Variants in ERBIN observed in about 807,000 individuals in gnomAD.
ERBIN encodes the protein erbb2 interacting protein.
A neutral mutation model predicts 158.4 loss-of-function variants in ERBIN; 60 were observed. The ratio of observed to expected loss-of-function variants is 0.38; its 90% CI spans 0.31 to 0.47. The LOEUF is 0.47. Ranked by LOEUF, ERBIN falls within the 20% of genes least tolerant of loss-of-function variation. ERBIN has a pLI of 0.99. For synonymous variants in ERBIN, 594 were observed against 557.2 expected (o/e 1.07, Z -0.93); for missense variants, 1,610 against 1,648.0 (o/e 0.98, Z 0.40).
At chr5:66,001,529 A>G (rs780711352) in intron 4 of ERBIN, among the ~76,000 whole-genome samples, 26 of 152,146 alleles carry the variant, frequency 1.7e-4, no homozygotes, top group Non-Finnish European at 3.1e-4. Context: ...AATGGCCTCT[A>G]TTCTTTGCTT....
intron 14 of ERBIN, among the ~76,000 whole-genome samples, chr5:66,035,927 C>A (rs1377883333): frequency 6.6e-6 from 1 of 151,820 alleles, no homozygotes; most frequent in Admixed American, 6.6e-5. Context: ...GATCCCATCT[C>A]TTAGAAAAAG....
At chr5:66,055,337 T>C (rs1759483164) in intron 21 of ERBIN, among the ~76,000 whole-genome samples, 1 of 152,206 alleles carries the variant, frequency 6.6e-6, no homozygotes, top group Non-Finnish European at 1.5e-5. Flanking sequence ...TAACAAAAAA[T>C]GTATTGCAAA....
chr5:65,983,455 C>G (rs914728565), intron 1 of ERBIN, among the ~76,000 whole-genome samples: 1 of 151,598 alleles, frequency 6.6e-6, no homozygotes, highest in Non-Finnish European at 1.5e-5. Flanking sequence ...TATTCTTTTT[C>G]ATATTATTAT....
chr5:65,949,299 G>T (rs530613715), intron 1 of ERBIN, among the ~76,000 whole-genome samples: 25 of 152,178 alleles, frequency 1.6e-4, no homozygotes, highest in Non-Finnish European at 2.6e-4. Context: ...GAGATTTTCA[G>T]ACTTTCTAAT....
intron 1 of ERBIN, among the ~76,000 whole-genome samples, chr5:65,958,289 C>A (rs551262697): frequency 1.7e-4 from 25 of 150,914 alleles, no homozygotes; most frequent in East Asian, 3.9e-4. Context: ...TGGAGGTTGT[C>A]GCAAGCCGAG....
intron 23 of ERBIN, among the ~76,000 whole-genome samples, chr5:66,075,521 G>T (rs1429531429): frequency 6.6e-6 from 1 of 152,214 alleles, no homozygotes; most frequent in East Asian, 1.9e-4. Flanking sequence ...ATATAAATAG[G>T]AGACCATTAA....
intron 1 of ERBIN, among the ~76,000 whole-genome samples, chr5:65,971,147 G>A (rs1749201287): frequency 6.6e-6 from 1 of 151,944 alleles, no homozygotes. Context: ...TAGTCGTTTT[G>A]ATGATAAATC....
intron 4 of ERBIN, among the ~76,000 whole-genome samples, chr5:66,005,064 T>C (rs961463027): frequency 2.0e-5 from 3 of 151,964 alleles, no homozygotes; most frequent in Non-Finnish European, 4.4e-5. Context: ...ATGTGACTTG[T>C]GTTTAAGTTT....
At chr5:66,045,554 G>GA (rs1447376107) in intron 17 of ERBIN, among the ~76,000 whole-genome samples, 2 of 151,968 alleles carry the variant, frequency 1.3e-5, no homozygotes, top group Non-Finnish European at 2.9e-5. Flanking sequence ...GTTCACAGAG[G>GA]AAAAAAATCA....
chr5:66,018,527 T>TG lies in ERBIN; in HGVS notation c.534-2795_534-2794insG. ...TATATTATATATTATATAATATATA[T>TG]TATATTATATAATATATATTATATA... On this transcript the variant is annotated intron_variant, in intron 7 of 25. Coordinates refer to ENST00000284037, the MANE Select transcript of ERBIN (RefSeq NM_001253697.2). Among the ~76,000 whole-genome samples the TG allele has an allele frequency of 4.4e-4, 2 of 4,570 alleles. 1 individual carries two copies. The highest frequency in any genetic ancestry group is 1.7e-3 in the African/African-American group (2 of 1,208). 3.0% of individuals were successfully genotyped at this position (4,570 alleles called of 152,430 possible). A position where few individuals can be genotyped will look rare whatever the true frequency, so the allele number is the denominator to read the frequency against.
chr5:66,063,381 C>T (rs10079293), intron 21 of ERBIN, among the ~76,000 whole-genome samples: 2,644 of 152,300 alleles, frequency 0.017, 79 homozygotes, highest in African/African-American at 0.061. Flanking sequence ...TTGTTAAGCC[C>T]GTTGGAAAAG....
intron 21 of ERBIN, 177 bp downstream of exon 21, chr5:66,055,128 T>G: frequency 7.2e-7 from 1 of 1,380,136 alleles, no homozygotes. Flanking sequence ...GATGATAATG[T>G]GTGTTTCTAT....
chr5:66,048,566 T>C (rs1361547501), intron 18 of ERBIN, 101 bp from the exon 19 acceptor site: 1 of 697,574 alleles, frequency 1.4e-6, no homozygotes, highest in East Asian at 2.8e-5. Flanking sequence ...TTAATATGTG[T>C]TTATAATATT....
rs1459304622 is a variant in ERBIN, at chr5:65,963,797, T to C, written c.-57-24838T>C. On this transcript the variant is annotated intron_variant, in intron 1 of 25. Coordinates refer to ENST00000284037, the MANE Select transcript of ERBIN (RefSeq NM_001253697.2). The stretch of plus-strand genomic sequence containing the variant: ...ATGACTATTTTCTTTCTTTTCTTTT[T>C]TTTTTTTTTTGAGATGGAGTCTCGC... Among the ~76,000 whole-genome samples the C allele has an allele frequency of 6.0e-5, 9 of 149,970 alleles. No individual in the cohort carries two copies. In the East Asian group the frequency reaches 1.2e-3, roughly 19 times the overall value.
chr5:66,014,025 C>T (rs1031278704), intron 6 of ERBIN, among the ~76,000 whole-genome samples: 1 of 152,142 alleles, frequency 6.6e-6, no homozygotes. Flanking sequence ...ACCTCATCAT[C>T]TCCCTGCCAC....
chr5:66,009,272 G>A (rs1382821752), intron 4 of ERBIN, among the ~76,000 whole-genome samples: 1 of 152,198 alleles, frequency 6.6e-6, no homozygotes, highest in Non-Finnish European at 1.5e-5. Flanking sequence ...TCAATGGAAT[G>A]ATCACTTAAA....
intron 4 of ERBIN, among the ~76,000 whole-genome samples, chr5:65,998,517 T>C (rs1013905256): frequency 6.6e-6 from 1 of 152,028 alleles, no homozygotes; most frequent in Non-Finnish European, 1.5e-5. Context: ...ACTTTAGAGC[T>C]ATTTATATTT....
At chr5:66,061,414 G>A (rs148750788) in intron 21 of ERBIN, among the ~76,000 whole-genome samples, 6,116 of 151,980 alleles carry the variant, frequency 0.04, 414 homozygotes, top group African/African-American at 0.14. Flanking sequence ...TCCTCCATCC[G>A]TTTGTTTTGA....
At position 66,054,022 on chromosome 5, in the gene ERBIN, A is replaced by G. The variant is rs2151238911; in HGVS notation, c.2704A>G (p.Thr902Ala). 1 of 1,614,170 alleles carries G rather than the reference A, an allele frequency of 6.2e-7. No individual in the cohort carries two copies. The highest frequency in any genetic ancestry group is 8.5e-7 in the Non-Finnish European group (1 of 1,180,026). ...PQQPSTTVKI[T>A]SAVDGKNIVR... ...GCAGCCAAGTACAACCGTTAAAATC[A>G]CATCTGCTGTTGATGGAAAAAATAT... The change falls in exon 21 of 26, where the codon ACA becomes GCA. Residue 902 changes from threonine (T) to alanine (A), a missense_variant. Thr to Ala is a moderately conservative substitution (Grantham distance 58, BLOSUM62 0). Around this residue, in one of 2 missense-constraint regions of ERBIN, gnomAD observed 1,014 missense variants for 936.1 expected, o/e 1.08. Coordinates refer to ENST00000284037, the MANE Select transcript of ERBIN (RefSeq NM_001253697.2).
Sources: allele counts gnomAD v4.1 joint callset (sites outside exome capture counted in the v4.1 genomes callset), GRCh38; gene constraint gnomAD v4.1.1; regional missense constraint gnomAD v4.1.1; transcripts MANE v1.5; gene names NCBI Gene and HGNC (gene_info 2026-07-23, HGNC 2026-07-21).